Variants in CSMD1 observed in about 807,000 individuals in gnomAD.
The protein encoded by CSMD1 is CUB and Sushi multiple domains 1, also known as CUB and sushi domain-containing protein 1.
CSMD1 carries 213 observed loss-of-function variants against 417.5 expected under a neutral mutation model. That is an observed-to-expected ratio of 0.51 (90% CI 0.46 to 0.57). CSMD1 has a LOEUF of 0.57. CSMD1 is among the 20% of genes least tolerant of loss of function. CSMD1 has a pLI of 0.00. For synonymous variants in CSMD1, 2,862 were observed against 1,736.8 expected, an observed-to-expected ratio of 1.65 and a Z score of -16.11; for missense variants, 6,923 against 4,529.7, an observed-to-expected ratio of 1.53 and a Z score of -15.17.
At chr8:3,281,161 G>T (rs1802706432) in intron 26 of CSMD1, among the ~76,000 whole-genome samples, 1 of 152,170 alleles carries the variant, frequency 6.6e-6, no homozygotes, top group Admixed American at 6.5e-5. Context: ...TGGGTAAACA[G>T]GCTGGGCGAG....
chr8:3,785,766 C>G (rs1361235980), intron 5 of CSMD1, among the ~76,000 whole-genome samples: 2 of 152,006 alleles, frequency 1.3e-5, no homozygotes, highest in African/African-American at 4.8e-5. Context: ...CTATGGTGCC[C>G]CAGGAACCTG....
intron 5 of CSMD1, among the ~76,000 whole-genome samples, chr8:3,893,146 A>G (rs1387323427): frequency 2.0e-5 from 3 of 151,652 alleles, no homozygotes; most frequent in South Asian, 2.1e-4. Context: ...AAGGTAATCA[A>G]AGAGTCTTTA....
intron 41 of CSMD1, among the ~76,000 whole-genome samples, chr8:3,141,072 C>G (rs1818409531): frequency 6.6e-6 from 1 of 152,148 alleles, no homozygotes; most frequent in Non-Finnish European, 1.5e-5. Context: ...TCTCTGTGTC[C>G]TGAAGGGACG....
chr8:3,698,891 A>G (rs144269689), intron 7 of CSMD1, among the ~76,000 whole-genome samples: 144 of 152,348 alleles, frequency 9.5e-4, no homozygotes, highest in East Asian at 9.1e-3. Flanking sequence ...ATCATTTGCA[A>G]TTGATTGGAT....
chr8:3,315,653 A>C (rs1205822358), intron 23 of CSMD1, among the ~76,000 whole-genome samples: 1 of 152,178 alleles, frequency 6.6e-6, no homozygotes, highest in African/African-American at 2.4e-5. Flanking sequence ...ATTTTTAAAA[A>C]ATAGCAATAG....
intron 6 of CSMD1, among the ~76,000 whole-genome samples, chr8:3,710,639 G>A (rs753627506): frequency 1.3e-5 from 2 of 152,050 alleles, no homozygotes; most frequent in Non-Finnish European, 2.9e-5. Context: ...TGGAGACCAT[G>A]CCTCTTGGAC....
chr8:3,179,146 C>A lies in CSMD1; in HGVS notation c.5725+1964G>T, dbSNP rs200754077. Among the ~76,000 whole-genome samples the A allele has an allele frequency of 6.6e-4, 99 of 150,626 alleles. 1 individual carries two copies. Among genetic ancestry groups the A allele is most frequent in the South Asian group, 1.5e-3 (7 of 4,658 alleles). On this transcript the variant is annotated intron_variant, in intron 37 of 69. Coordinates refer to ENST00000635120, the MANE Select transcript of CSMD1 (RefSeq NM_033225.6). ...ATTTTTAGTAGATACGGGGTTTCAA[C>A]GTGTTAGCCAGGACTGTCTCGATCT...
At chr8:3,856,378 A>G (rs1277831396) in intron 5 of CSMD1, among the ~76,000 whole-genome samples, 1 of 151,882 alleles carries the variant, frequency 6.6e-6, no homozygotes, top group Non-Finnish European at 1.5e-5. Flanking sequence ...AGCCAATTAA[A>G]CCTCTTTTCT....
intron 6 of CSMD1, among the ~76,000 whole-genome samples, chr8:3,725,447 G>A (rs1368242933): frequency 2.0e-5 from 3 of 152,158 alleles, no homozygotes; most frequent in Admixed American, 6.5e-5. Flanking sequence ...AAAGCTGAAG[G>A]CGACTGTGGG....
At chr8:2,958,399 A>G (rs1563180507) in intron 62 of CSMD1, among the ~76,000 whole-genome samples, 1 of 152,216 alleles carries the variant, frequency 6.6e-6, no homozygotes, top group Non-Finnish European at 1.5e-5. Context: ...TCCAAGAATG[A>G]ATCACATTCA....
intron 27 of CSMD1, among the ~76,000 whole-genome samples, chr8:3,226,956 T>C (rs78336280): frequency 0.069 from 10,536 of 152,198 alleles, 492 homozygotes; most frequent in Non-Finnish European, 0.1. Context: ...AGTTCGACCT[T>C]ATTATTAATT....
chr8:2,960,363 G>A (rs549178873), intron 62 of CSMD1, among the ~76,000 whole-genome samples: 103 of 152,294 alleles, frequency 6.8e-4, no homozygotes, highest in African/African-American at 2.4e-3. Context: ...GAATATTTTC[G>A]TGCTCACGAG....
At chr8:3,121,220 C>A (rs1345234413) in intron 41 of CSMD1, among the ~76,000 whole-genome samples, 1 of 152,106 alleles carries the variant, frequency 6.6e-6, no homozygotes, top group African/African-American at 2.4e-5. Flanking sequence ...ATGCAGTTGA[C>A]AACAGCTTCC....
chr8:4,826,058 T>C (rs1799808786), intron 1 of CSMD1, among the ~76,000 whole-genome samples: 2 of 152,020 alleles, frequency 1.3e-5, no homozygotes, highest in African/African-American at 2.4e-5. Flanking sequence ...AGCACAGCCA[T>C]TGTGGAAAAC....
intron 2 of CSMD1, among the ~76,000 whole-genome samples, chr8:4,453,947 G>C (rs922733553): frequency 7.0e-6 from 1 of 143,542 alleles, no homozygotes; most frequent in Non-Finnish European, 1.5e-5. Flanking sequence ...TCAGCCTCCC[G>C]AGTAGCTGGG....
intron 7 of CSMD1, among the ~76,000 whole-genome samples, chr8:3,657,100 G>C (rs778970044): frequency 6.6e-6 from 1 of 152,094 alleles, no homozygotes; most frequent in Admixed American, 6.5e-5. Context: ...TTGCTGCACT[G>C]GACATTGTCA....
At chr8:4,943,662 C>G (rs1261704367) in intron 1 of CSMD1, among the ~76,000 whole-genome samples, 3 of 152,136 alleles carry the variant, frequency 2.0e-5, no homozygotes, top group African/African-American at 7.2e-5. Flanking sequence ...GTTATCCTAT[C>G]TAGAACTTTG....
intron 10 of CSMD1, among the ~76,000 whole-genome samples, chr8:3,571,346 TCTC>T (rs1799934723): frequency 6.6e-6 from 1 of 152,132 alleles, no homozygotes; most frequent in Admixed American, 6.5e-5. Context: ...AGCATACACA[TCTC>T]CTACATAAAG....
intron 3 of CSMD1, among the ~76,000 whole-genome samples, chr8:4,235,164 ATTCATCT>A (rs1801969723): frequency 6.6e-6 from 1 of 152,164 alleles, no homozygotes; most frequent in African/African-American, 2.4e-5. Context: ...AGTGTGTGTG[ATTCATCT>A]TTCAGAGGCA....
Sources: gnomAD v4.1 joint callset for allele counts (sites outside exome capture counted in the v4.1 genomes callset) on GRCh38, gnomAD v4.1.1 for gene constraint, MANE v1.5 for transcripts, NCBI Gene and HGNC (gene_info 2026-07-23, HGNC 2026-07-21) for gene names.